The following NOL4 variants were observed in gnomAD, a reference collection of about 807,000 sequenced individuals.
NOL4 encodes the protein nucleolar protein 4, also known as cancer/testis antigen 125.
In NOL4, 17 loss-of-function variants were observed where a neutral mutation model predicts 75.9. The observed-to-expected ratio is 0.22, with a 90% CI of 0.15 to 0.34. The LOEUF (loss-of-function observed/expected upper bound fraction) is 0.34, where lower values mean the gene tolerates loss of function less well. Ranked by LOEUF, NOL4 falls within the 10% of genes least tolerant of loss-of-function variation. The pLI, the probability that NOL4 is intolerant of heterozygous loss-of-function variation, is 1.00. For missense variants in NOL4, 614 were observed against 793.5 expected (o/e 0.77, Z 2.72); for synonymous variants, 292 against 289.9 (o/e 1.01, Z -0.07).
intron 5 of NOL4, chr18:34,048,518 C>T (rs964479279): frequency 5.1e-6 from 5 of 985,284 alleles, no homozygotes; most frequent in Middle Eastern, 5.2e-4. Flanking sequence ...ATCCCTCAGG[C>T]GAGGTCCAAC....
intron 6 of NOL4, among the ~76,000 whole-genome samples, chr18:34,006,206 A>G (rs1196475230): frequency 1.2e-4 from 19 of 152,136 alleles, no homozygotes; most frequent in Admixed American, 1.2e-3. Context: ...AAATAATACT[A>G]AATTTATTAA....
chr18:34,104,283 C>A, intron 3 of NOL4, 124 bp from the exon 4 acceptor site: 1 of 632,928 alleles, frequency 1.6e-6, no homozygotes. Flanking sequence ...AGCATGGTAG[C>A]ATTATAGTTG....
At chr18:33,997,074 C>A (rs938193267) in intron 6 of NOL4, among the ~76,000 whole-genome samples, 1 of 151,784 alleles carries the variant, frequency 6.6e-6, no homozygotes, top group African/African-American at 2.4e-5. Flanking sequence ...ATTTATTTTG[C>A]TGTGCATAAG....
intron 6 of NOL4, among the ~76,000 whole-genome samples, chr18:33,986,286 T>C (rs2072447216): frequency 6.6e-6 from 1 of 152,154 alleles, no homozygotes; most frequent in African/African-American, 2.4e-5. Flanking sequence ...AATAATATTG[T>C]TTTATTTTAC....
At chr18:33,855,642 A>T (rs879508313) in intron 10 of NOL4, among the ~76,000 whole-genome samples, 2 of 152,100 alleles carry the variant, frequency 1.3e-5, no homozygotes, top group Non-Finnish European at 2.9e-5. Context: ...CTGCTTTATG[A>T]TCATTCTGAA....
Position 34,217,276 on chromosome 18 carries a change from CTTT to C in NOL4, c.264+5711_264+5713del, listed in dbSNP as rs202107133. Among the ~76,000 whole-genome samples, 5 of 151,144 alleles carry C rather than the reference CTTT, an allele frequency of 3.3e-5. No individual in the cohort carries two copies. The East Asian group carries it at 9.7e-4, about 29-fold the overall frequency. On this transcript the variant is annotated intron_variant, in intron 1 of 10. Transcript: ENST00000261592. ...ATACAAGTATACCTTGTATTTCTTT[CTTT>C]TTTTTTATTTATTTATTTTTTTTGA...
intron 1 of NOL4, among the ~76,000 whole-genome samples, chr18:34,193,352 C>T (rs1728303744): frequency 6.6e-6 from 1 of 151,898 alleles, no homozygotes; most frequent in South Asian, 2.1e-4. Context: ...TATTTGCAAA[C>T]CATGCATATA....
chr18:34,121,611 G>A (rs1470499876), intron 2 of NOL4, among the ~76,000 whole-genome samples: 1 of 152,186 alleles, frequency 6.6e-6, no homozygotes, highest in Non-Finnish European at 1.5e-5. Context: ...ATTTATGCAA[G>A]AGGCAAAGTG....
chr18:34,180,427 C>T (rs530944753), intron 1 of NOL4, among the ~76,000 whole-genome samples: 1 of 151,350 alleles, frequency 6.6e-6, no homozygotes, highest in East Asian at 1.9e-4. Flanking sequence ...GAGAAAAATC[C>T]AACATGCTTC....
intron 5 of NOL4, among the ~76,000 whole-genome samples, chr18:34,037,174 C>T (rs1017039393): frequency 6.6e-6 from 1 of 152,034 alleles, no homozygotes; most frequent in Non-Finnish European, 1.5e-5. Context: ...ATTCCACTTA[C>T]AATAGCTACA....
chr18:34,176,982 CT>C (rs1009741835), intron 1 of NOL4, among the ~76,000 whole-genome samples: 3 of 150,774 alleles, frequency 2.0e-5, no homozygotes, highest in African/African-American at 7.3e-5. Flanking sequence ...GAGTTGATAT[CT>C]TTTTTTTTAA....
intron 5 of NOL4, among the ~76,000 whole-genome samples, chr18:34,047,805 G>C (rs145646483): frequency 6.6e-6 from 1 of 152,010 alleles, no homozygotes; most frequent in African/African-American, 2.4e-5. Context: ...CATCCCCCCA[G>C]AACAAAATCC....
At chr18:34,203,588 T>G (rs921841318) in intron 1 of NOL4, among the ~76,000 whole-genome samples, 3 of 151,886 alleles carry the variant, frequency 2.0e-5, no homozygotes, top group African/African-American at 7.2e-5. Context: ...TTTCTTACAA[T>G]TGCATGTGAA....
At chr18:34,195,588 C>T (rs1319897850) in intron 1 of NOL4, among the ~76,000 whole-genome samples, 1 of 151,390 alleles carries the variant, frequency 6.6e-6, no homozygotes, top group African/African-American at 2.4e-5. Context: ...GCCATGTTTT[C>T]CTTTAAGTTT....
chr18:33,860,690 G>A (rs1238238253), intron 10 of NOL4, among the ~76,000 whole-genome samples: 1 of 151,934 alleles, frequency 6.6e-6, no homozygotes, highest in African/African-American at 2.4e-5. Context: ...AGTGGTGAGA[G>A]AGGGCATCCC....
At chr18:34,111,457 G>T (rs779135786) in intron 2 of NOL4, among the ~76,000 whole-genome samples, 1 of 152,040 alleles carries the variant, frequency 6.6e-6, no homozygotes, top group Non-Finnish European at 1.5e-5. Context: ...CCTTATAGAA[G>T]ATGTCTAAGG....
intron 6 of NOL4, among the ~76,000 whole-genome samples, chr18:33,974,575 A>G (rs2071345479): frequency 6.6e-6 from 1 of 152,174 alleles, no homozygotes; most frequent in Non-Finnish European, 1.5e-5. Flanking sequence ...AAAAACAATT[A>G]CAATATTAAC....
chr18:34,113,564 G>T (rs2079708795), intron 2 of NOL4, among the ~76,000 whole-genome samples: 1 of 152,048 alleles, frequency 6.6e-6, no homozygotes, highest in Non-Finnish European at 1.5e-5. Context: ...TTGAGCCCAT[G>T]ACTTTGATGT....
chr18:34,104,003 G>T (rs201130088), intron 4 of NOL4, 44 bp downstream of exon 4: 4 of 1,308,052 alleles, frequency 3.1e-6, no homozygotes, highest in South Asian at 1.2e-5. Flanking sequence ...ATCAAGCTTC[G>T]TTCCAATTTG....
Sources: allele counts gnomAD v4.1 joint callset (sites outside exome capture counted in the v4.1 genomes callset), GRCh38; gene constraint gnomAD v4.1.1; transcripts MANE v1.5; gene names NCBI Gene and HGNC (gene_info 2026-07-23, HGNC 2026-07-21).